CTNNA3: variants seen among roughly 807,000 people sequenced by gnomAD.
CTNNA3 encodes catenin alpha-3.
In CTNNA3, 76 loss-of-function variants were observed where a neutral mutation model predicts 95.7. The ratio of observed to expected loss-of-function variants is 0.79; its 90% CI spans 0.66 to 0.96. The LOEUF is 0.96. CTNNA3 is among the 40% of genes least tolerant of loss of function. The pLI, the probability that CTNNA3 is intolerant of heterozygous loss-of-function variation, is 0.00. For synonymous variants in CTNNA3, 431 were observed against 374.4 expected, an observed-to-expected ratio of 1.15 and a Z score of -1.74; for missense variants, 1,191 against 1,089.8, an observed-to-expected ratio of 1.09 and a Z score of -1.31.
At chr10:67,516,930 A>C (rs1303432541) in intron 5 of CTNNA3, among the ~76,000 whole-genome samples, 1 of 152,186 alleles carries the variant, frequency 6.6e-6, no homozygotes, top group Non-Finnish European at 1.5e-5. Flanking sequence ...CAAAGGCAGG[A>C]TTTCCTTCCT....
chr10:67,360,291 T>C (rs925371951), intron 5 of CTNNA3, among the ~76,000 whole-genome samples: 11 of 151,514 alleles, frequency 7.3e-5, no homozygotes, highest in Non-Finnish European at 1.5e-5. Flanking sequence ...AAAGAAACAA[T>C]GCAATTGAGA....
At chr10:67,279,407 A>G (rs1839306342) in intron 5 of CTNNA3, among the ~76,000 whole-genome samples, 1 of 152,130 alleles carries the variant, frequency 6.6e-6, no homozygotes, top group East Asian at 1.9e-4. Flanking sequence ...AATCACCGAA[A>G]CAGTCTGTGG....
At chr10:66,560,066 G>T (rs1842506174) in intron 10 of CTNNA3, among the ~76,000 whole-genome samples, 1 of 151,922 alleles carries the variant, frequency 6.6e-6, no homozygotes, top group African/African-American at 2.4e-5. Flanking sequence ...CAGAAATGGT[G>T]GTTAGAGAAA....
intron 3 of CTNNA3, among the ~76,000 whole-genome samples, chr10:67,561,202 A>C (rs910420212): frequency 7.0e-6 from 1 of 142,412 alleles, no homozygotes; most frequent in Non-Finnish European, 1.5e-5. Flanking sequence ...TCAGCACCAC[A>C]TCGCACTTAT....
intron 11 of CTNNA3, among the ~76,000 whole-genome samples, chr10:66,482,217 A>G (rs1839563260): frequency 6.6e-6 from 1 of 152,172 alleles, no homozygotes; most frequent in African/African-American, 2.4e-5. Flanking sequence ...AGCATATCAT[A>G]TTGAAAACAA....
intron 7 of CTNNA3, among the ~76,000 whole-genome samples, chr10:67,075,170 GCACACA>G (rs57260841): frequency 3.3e-5 from 5 of 149,640 alleles, no homozygotes; most frequent in African/African-American, 1.2e-4. Context: ...AAGGATTTCT[GCACACA>G]CACACACACA....
chr10:66,596,180 G>T (rs557978796), intron 10 of CTNNA3, among the ~76,000 whole-genome samples: 1 of 152,066 alleles, frequency 6.6e-6, no homozygotes, highest in South Asian at 2.1e-4. Flanking sequence ...AGGGGCCGTG[G>T]CAGCCTGTAT....
chr10:67,228,539 G>A (rs1200589420), intron 5 of CTNNA3, among the ~76,000 whole-genome samples: 1 of 152,096 alleles, frequency 6.6e-6, no homozygotes, highest in Non-Finnish European at 1.5e-5. Flanking sequence ...CTTGAAACCG[G>A]AAGGTGGAAG....
rs1230750622 is a variant in CTNNA3, at chr10:66,967,614, C to T, written c.1048-192090G>A. Among the ~76,000 whole-genome samples the T allele has an allele frequency of 4.6e-5, 7 of 151,932 alleles. No homozygotes were observed. The East Asian group carries it at 9.7e-4, about 21-fold the overall frequency. The stretch of plus-strand genomic sequence containing the variant: ...TGAGGCGGGACTATGTAAAACAGTC[C>T]ATTAAAATAATTTTCCCAGATCAAA... On this transcript the variant is annotated intron_variant, in intron 7 of 17. Coordinates refer to ENST00000433211, the MANE Select transcript of CTNNA3 (RefSeq NM_013266.4).
intron 1 of CTNNA3, among the ~76,000 whole-genome samples, chr10:67,741,153 C>A (rs1401862533): frequency 1.3e-5 from 2 of 150,524 alleles, no homozygotes; most frequent in South Asian, 4.3e-4. Context: ...ACTCTGGGGA[C>A]TGTTGTGGCA....
chr10:67,090,897 G>A (rs1304520321), intron 7 of CTNNA3, among the ~76,000 whole-genome samples: 1 of 151,944 alleles, frequency 6.6e-6, no homozygotes, highest in Non-Finnish European at 1.5e-5. Flanking sequence ...TGTGATAATT[G>A]CTTACACTAT....
intron 7 of CTNNA3, among the ~76,000 whole-genome samples, chr10:67,112,366 G>C (rs980554866): frequency 6.6e-5 from 10 of 151,846 alleles, no homozygotes; most frequent in African/African-American, 9.7e-5. Context: ...CTTTTTGCCT[G>C]GTGGAATTTA....
chr10:67,236,562 G>T (rs2132318216), intron 5 of CTNNA3, among the ~76,000 whole-genome samples: 1 of 151,802 alleles, frequency 6.6e-6, no homozygotes, highest in Non-Finnish European at 1.5e-5. Context: ...CCTAATGCTA[G>T]ATGACAAGTT....
intron 5 of CTNNA3, among the ~76,000 whole-genome samples, chr10:67,308,042 A>G (rs1391437774): frequency 1.3e-5 from 2 of 152,086 alleles, no homozygotes; most frequent in Non-Finnish European, 2.9e-5. Context: ...CTGCTACTCT[A>G]CCCTACATGT....
At chr10:66,194,560 C>CAG (rs1465089290) in intron 13 of CTNNA3, among the ~76,000 whole-genome samples, 2 of 152,058 alleles carry the variant, frequency 1.3e-5, no homozygotes, top group South Asian at 4.2e-4. Context: ...AGCCTGGTGA[C>CAG]AGAGAGAGAG....
intron 12 of CTNNA3, among the ~76,000 whole-genome samples, chr10:66,287,805 TA>T (rs1316732349): frequency 6.6e-6 from 1 of 152,136 alleles, no homozygotes; most frequent in Non-Finnish European, 1.5e-5. Context: ...ATTTAATTTC[TA>T]TTAACTGTCA....
At chr10:66,840,322 C>CCTCTCT (rs1843006264) in intron 7 of CTNNA3, among the ~76,000 whole-genome samples, 1 of 89,470 alleles carries the variant, frequency 1.1e-5, no homozygotes, top group Admixed American at 1.6e-4. Context: ...TCCAAGAAGC[C>CCTCTCT]ATCTCTCTCT....
intron 11 of CTNNA3, among the ~76,000 whole-genome samples, chr10:66,465,678 C>T (rs1016731853): frequency 6.6e-6 from 1 of 152,052 alleles, no homozygotes; most frequent in African/African-American, 2.4e-5. Flanking sequence ...TGACCTGCTA[C>T]AAGACCCTGG....
chr10:66,821,748 A>T (rs1193910215), intron 7 of CTNNA3, among the ~76,000 whole-genome samples: 1 of 152,088 alleles, frequency 6.6e-6, no homozygotes. Flanking sequence ...TTCTGTGAAC[A>T]CTCAGTCTGC....
Sources: gnomAD v4.1 joint callset for allele counts (sites outside exome capture counted in the v4.1 genomes callset) on GRCh38, gnomAD v4.1.1 for gene constraint, MANE v1.5 for transcripts, NCBI Gene and HGNC (gene_info 2026-07-23, HGNC 2026-07-21) for gene names.